Variants in UBAC2 observed in about 807,000 individuals in gnomAD.
The protein encoded by UBAC2 is UBA domain containing 2, also known as ubiquitin-associated domain-containing protein 2.
UBAC2 carries 26 observed loss-of-function variants against 44.0 expected under a neutral mutation model. The observed-to-expected ratio is 0.59, with a 90% CI of 0.43 to 0.82. The LOEUF is 0.82. Among genes scored for constraint, UBAC2 ranks in the 40% least tolerant of loss-of-function variants. The probability of loss-of-function intolerance (pLI) is 0.00; values close to 1 mark genes in which losing one functional copy is unlikely to be tolerated. For missense variants in UBAC2, 329 were observed against 419.4 expected (o/e 0.78, Z 1.88); for synonymous variants, 155 against 154.3 (o/e 1.00, Z -0.04).
At chr13:99,270,311 G>A (rs1363602349) in intron 4 of UBAC2, among the ~76,000 whole-genome samples, 1 of 152,116 alleles carries the variant, frequency 6.6e-6, no homozygotes, top group Non-Finnish European at 1.5e-5. Flanking sequence ...AATATTGTTT[G>A]CCATTTTGTG....
chr13:99,356,107 C>G, intron 7 of UBAC2: 1 of 519,836 alleles, frequency 1.9e-6, no homozygotes, highest in Non-Finnish European at 4.0e-6. Context: ...GTAAACAAGA[C>G]TTGGGACACA....
chr13:99,310,737 A>G (rs1415416561), intron 4 of UBAC2, among the ~76,000 whole-genome samples: 1 of 152,234 alleles, frequency 6.6e-6, no homozygotes, highest in Non-Finnish European at 1.5e-5. Context: ...TGGTCATTAA[A>G]ATTTCTACCA....
At position 99,327,486 on chromosome 13, in the gene UBAC2, G is replaced by C. The variant is rs532752283; in HGVS notation, c.561+9417G>C. 4.9e-3 allele frequency among the ~76,000 whole-genome samples: 747 copies of C among 151,298 alleles called. 6 individuals carry two copies. The highest frequency in any genetic ancestry group is 0.012 in the South Asian group (55 of 4,744). ...GTTTTTGGTTTTTCTCTCTCTCTCT[G>C]TGTGTGTGTGTGTGTGTTTAAGTGT... On this transcript the variant is annotated intron_variant, in intron 6 of 8. Coordinates refer to ENST00000403766, the MANE Select transcript of UBAC2 (RefSeq NM_001144072.2).
At chr13:99,338,944 T>G (rs1594142684) in intron 6 of UBAC2, among the ~76,000 whole-genome samples, 1 of 152,272 alleles carries the variant, frequency 6.6e-6, no homozygotes, top group South Asian at 2.1e-4. Flanking sequence ...CTACTCTGTC[T>G]GTCCATAGAA....
At chr13:99,318,916 T>G (rs1034213865) in intron 6 of UBAC2, among the ~76,000 whole-genome samples, 14 of 150,584 alleles carry the variant, frequency 9.3e-5, no homozygotes, top group Non-Finnish European at 1.9e-4. Flanking sequence ...AAGTTTTAGC[T>G]GGGCTTGTCA....
At chr13:99,212,271 G>A (rs2042944448) in intron 1 of UBAC2, among the ~76,000 whole-genome samples, 1 of 152,210 alleles carries the variant, frequency 6.6e-6, no homozygotes, top group Non-Finnish European at 1.5e-5. Flanking sequence ...TTTTTGAAGT[G>A]TGCTTTGTGA....
At chr13:99,290,875 G>A (rs1177244939) in intron 4 of UBAC2, among the ~76,000 whole-genome samples, 1 of 152,152 alleles carries the variant, frequency 6.6e-6, no homozygotes, top group Non-Finnish European at 1.5e-5. Flanking sequence ...AGAGAATGCA[G>A]GTAGAGTTTG....
At chr13:99,376,979 T>TGCCTCGCCTC (rs151322129) in intron 8 of UBAC2, 3 of 152,340 alleles carry the variant, frequency 2.0e-5, no homozygotes, top group Non-Finnish European at 2.9e-5. Flanking sequence ...TGCAGCGCCG[T>TGCCTCGCCTC]GCCTCGCCTC....
intron 4 of UBAC2, among the ~76,000 whole-genome samples, chr13:99,292,302 A>ATT (rs11443091): frequency 3.7e-4 from 54 of 144,610 alleles, no homozygotes; most frequent in Admixed American, 6.9e-4. Flanking sequence ...CGCCCAGCTA[A>ATT]TTTTTTTTTT....
chr13:99,273,467 A>G (rs1221822998), intron 4 of UBAC2, among the ~76,000 whole-genome samples: 2 of 152,176 alleles, frequency 1.3e-5, no homozygotes, highest in Admixed American at 6.5e-5. Flanking sequence ...AATTAGCAGT[A>G]TTGAGAGTAA....
chr13:99,219,241 C>T (rs866437653), intron 1 of UBAC2, among the ~76,000 whole-genome samples: 6 of 152,282 alleles, frequency 3.9e-5, no homozygotes, highest in South Asian at 2.1e-4. Context: ...ACCTGTCTGT[C>T]TTCAGCTAGA....
chr13:99,242,603 C>G (rs2043321970), intron 2 of UBAC2, among the ~76,000 whole-genome samples: 1 of 111,838 alleles, frequency 8.9e-6, no homozygotes, highest in South Asian at 3.1e-4. Context: ...CCCCTCACCT[C>G]CCAGACGGGG....
chr13:99,279,622 G>C (rs542675668), intron 4 of UBAC2, among the ~76,000 whole-genome samples: 3 of 152,304 alleles, frequency 2.0e-5, no homozygotes, highest in African/African-American at 7.2e-5. Context: ...GCCTGTTCAG[G>C]CTCCTCTAAC....
At chr13:99,274,314 C>A (rs888557036) in intron 4 of UBAC2, among the ~76,000 whole-genome samples, 1 of 151,838 alleles carries the variant, frequency 6.6e-6, no homozygotes, top group African/African-American at 2.4e-5. Flanking sequence ...TGTGTGAATA[C>A]CACCATCTAT....
intron 1 of UBAC2, among the ~76,000 whole-genome samples, chr13:99,230,181 T>C (rs756737187): frequency 6.6e-6 from 1 of 152,110 alleles, no homozygotes; most frequent in Non-Finnish European, 1.5e-5. Context: ...AAAAGAAATA[T>C]GGCCAGGCAC....
chr13:99,232,678 T>G (rs2043189301), intron 1 of UBAC2, among the ~76,000 whole-genome samples: 1 of 152,030 alleles, frequency 6.6e-6, no homozygotes, highest in Non-Finnish European at 1.5e-5. Flanking sequence ...TCCCAGCACT[T>G]TGGGAGGCCG....
At chr13:99,270,123 T>C (rs2043797415) in intron 4 of UBAC2, among the ~76,000 whole-genome samples, 1 of 152,230 alleles carries the variant, frequency 6.6e-6, no homozygotes, top group South Asian at 2.1e-4. Flanking sequence ...GAATGATTTT[T>C]AGTTCTGATT....
intron 6 of UBAC2, among the ~76,000 whole-genome samples, chr13:99,321,397 C>T (rs1349371525): frequency 1.3e-5 from 2 of 152,286 alleles, no homozygotes; most frequent in East Asian, 1.9e-4. Flanking sequence ...CAACCACTGC[C>T]TCCCGGGTTC....
chr13:99,336,594 G>C (rs2044791675), intron 6 of UBAC2, among the ~76,000 whole-genome samples: 1 of 151,976 alleles, frequency 6.6e-6, no homozygotes, highest in South Asian at 2.1e-4. Flanking sequence ...TGAATACCAG[G>C]TGCCCTTACA....
Sources: allele counts gnomAD v4.1 joint callset (sites outside exome capture counted in the v4.1 genomes callset), GRCh38; gene constraint gnomAD v4.1.1; transcripts MANE v1.5; gene names NCBI Gene and HGNC (gene_info 2026-07-23, HGNC 2026-07-21).